The following SLC6A4 variants were observed in gnomAD, a reference collection of about 807,000 sequenced individuals.
SLC6A4 encodes the protein solute carrier family 6 member 4.
A neutral mutation model predicts 73.4 loss-of-function variants in SLC6A4; 22 were observed. That is an observed-to-expected ratio of 0.30 (90% CI 0.21 to 0.43). The LOEUF (loss-of-function observed/expected upper bound fraction) is 0.43. Ranked by LOEUF, SLC6A4 falls within the 20% of genes least tolerant of loss-of-function variation. The probability of loss-of-function intolerance (pLI) is 1.00; values close to 1 mark genes in which losing one functional copy is unlikely to be tolerated. For missense variants in SLC6A4, 593 were observed against 808.5 expected (o/e 0.73, Z 3.23); for synonymous variants, 270 against 315.5 (o/e 0.86, Z 1.53).
At chr17:30,206,378 A>G (rs1035314019) in intron 13 of SLC6A4, 1 of 152,192 alleles carries the variant, frequency 6.6e-6, no homozygotes, top group African/African-American at 2.4e-5. Flanking sequence ...GCAGGCTGTT[A>G]TCCATCTTGG....
intron 3 of SLC6A4, among the ~76,000 whole-genome samples, chr17:30,219,814 T>C (rs545337924): frequency 6.6e-6 from 1 of 152,306 alleles, no homozygotes; most frequent in South Asian, 2.1e-4. Context: ...TTTTCCCTGC[T>C]GTAAAATGCT....
intron 14 of SLC6A4, among the ~76,000 whole-genome samples, chr17:30,201,687 G>C (rs925151184): frequency 1.3e-5 from 2 of 152,220 alleles, no homozygotes; most frequent in African/African-American, 4.8e-5. Flanking sequence ...CTCTTTAGGG[G>C]GAGTGCGGTC....
Position 30,209,164 on chromosome 17 carries a change from C to T in SLC6A4, c.1528G>A (p.Val510Ile). The change falls in exon 12 of 15, where the codon GTC becomes ATC. Residue 510 changes from valine (V) to isoleucine (I), a missense_variant. Transcript: ENST00000650711. ...TTACCATAGAACCAAGACACAGCGA[C>T]TGCTTCGATCAGCGCGACAGTGAGC... ...AVLTVALIEA[V>I]AVSWFYGITQ... 6.2e-7 allele frequency: 1 copy of T among 1,613,624 alleles called. No homozygotes were observed. The highest frequency in any genetic ancestry group is 8.5e-7 in the Non-Finnish European group (1 of 1,179,588).
chr17:30,215,310 T>C (rs1249248135), intron 8 of SLC6A4, among the ~76,000 whole-genome samples: 1 of 152,224 alleles, frequency 6.6e-6, no homozygotes, highest in Non-Finnish European at 1.5e-5. Context: ...CCCAAAGTGC[T>C]GGGATTACAG....
Position 30,235,584 on chromosome 17 carries a change from T to C in SLC6A4, c.-221+29A>G, listed in dbSNP as rs1317058835. 1 of 152,212 alleles carries C rather than the reference T, an allele frequency of 6.6e-6. No individual in the cohort carries two copies. Among genetic ancestry groups the C allele is most frequent in the East Asian group, 1.9e-4 (1 of 5,200 alleles). The allele number at this position is 152,212 out of a possible 1,614,324, so 9.4% of individuals were successfully genotyped here. ...AAGAAGGTCTGGAAAGAAACGTGGG[T>C]TCGAGGCGGAGAGGAAAAGCGGACC... On this transcript the variant is annotated intron_variant, in intron 1 of 14. Transcript: ENST00000650711. The surrounding 1 kb of genome is among the most constrained non-coding windows in gnomAD (Gnocchi z 4.5).
chr17:30,209,396 G>A (rs1186791318), intron 11 of SLC6A4, among the ~76,000 whole-genome samples, 154 bp from the exon 12 acceptor site: 1 of 152,158 alleles, frequency 6.6e-6, no homozygotes, highest in Non-Finnish European at 1.5e-5. Flanking sequence ...CTTAGGCCAG[G>A]TGCGGTGGCT....
intron 8 of SLC6A4, among the ~76,000 whole-genome samples, chr17:30,213,516 T>A: frequency 6.6e-6 from 1 of 152,134 alleles, no homozygotes; most frequent in African/African-American, 2.4e-5. Context: ...TTGGCCAGGC[T>A]GGTCTCAAAC....
rs56298060 is a variant in SLC6A4, at chr17:30,202,571, T to A, written c.1818+601A>T. ...GCTTTGAAAATGGCATTCATACAAA[T>A]TGTAAGGTACTGTTATTAACATTTC... On this transcript the variant is annotated intron_variant, in intron 14 of 14. Coordinates refer to ENST00000650711, the MANE Select transcript of SLC6A4 (RefSeq NM_001045.6). Among the ~76,000 whole-genome samples the A allele has an allele frequency of 2.8e-3, 423 of 152,282 alleles. 3 individuals are homozygous for A. Among genetic ancestry groups the A allele is most frequent in the African/African-American group, 9.7e-3 (402 of 41,556 alleles).
chr17:30,200,596 G>A (rs1567814489), intron 14 of SLC6A4, among the ~76,000 whole-genome samples: 1 of 152,088 alleles, frequency 6.6e-6, no homozygotes, highest in Non-Finnish European at 1.5e-5. Flanking sequence ...TTTTATATGA[G>A]GCTTCCCTCC....
chr17:30,230,095 A>G (rs796875781), intron 1 of SLC6A4, among the ~76,000 whole-genome samples: 2,674 of 118,132 alleles, frequency 0.023, 81 homozygotes, highest in African/African-American at 0.066. Flanking sequence ...AAGAAGAAGA[A>G]GAGGAGGAAG....
At chr17:30,209,879 G>C (rs568351286) in intron 11 of SLC6A4, among the ~76,000 whole-genome samples, 1 of 152,196 alleles carries the variant, frequency 6.6e-6, no homozygotes, top group East Asian at 1.9e-4. Flanking sequence ...GAGAATCCCT[G>C]CCTCTAAAGA....
rs1332783171 is a variant in SLC6A4 at position 30,221,705 on chromosome 17, T to A, written c.254A>T (p.Lys85Met). 1 of 1,614,124 alleles carries A rather than the reference T, an allele frequency of 6.2e-7. No individual in the cohort carries two copies. The highest frequency in any genetic ancestry group is 1.3e-5 in the African/African-American group (1 of 75,016). ...HQGERETWGK[K>M]VDFLLSVIGY... Reference sequence around the variant, plus strand: ...AATCACTGAGAGAAGGAAATCCACCTTCTTGCCCCAGGTCTCCCGTTCCCC... The same window carrying A: ...AATCACTGAGAGAAGGAAATCCACCATCTTGCCCCAGGTCTCCCGTTCCCC... The change falls in exon 3 of 15, where the codon AAG becomes ATG. Residue 85 changes from lysine to methionine, a missense_variant. Lys to Met is a moderately conservative substitution (Grantham distance 95). Transcript: ENST00000650711.
In SLC6A4 at chr17:30,230,116, AGAGGAAGAGGAG is replaced by A. The variant is rs1567824230; in HGVS notation, c.-221+5485_-221+5496del. On this transcript the variant is annotated intron_variant, in intron 1 of 14. Coordinates refer to ENST00000650711, the MANE Select transcript of SLC6A4 (RefSeq NM_001045.6). ...AAGAAGAGGAGGAAGAGGAAGAGGA[AGAGGAAGAGGAG>A]GAGGAGGAGGAGGAGGAGGAGGAAG... is the stretch of plus-strand genomic sequence containing the variant. Among the ~76,000 whole-genome samples, 136 of 134,164 alleles carry A rather than the reference AGAGGAAGAGGAG, an allele frequency of 1.0e-3. 1 individual carries two copies. The highest frequency in any genetic ancestry group is 3.8e-3 in the African/African-American group (125 of 33,174). The allele number at this position is 134,164 out of a possible 152,430, so 88.0% of individuals were successfully genotyped here. A position where few individuals can be genotyped will look rare whatever the true frequency, so the allele number is the denominator to read the frequency against.
At chr17:30,230,320 T>G (rs1436269315) in intron 1 of SLC6A4, among the ~76,000 whole-genome samples, 1 of 152,146 alleles carries the variant, frequency 6.6e-6, no homozygotes, top group Non-Finnish European at 1.5e-5. Context: ...ACAGATGATG[T>G]GTTAGATTAA....
At chr17:30,230,379 T>G (rs536914000) in intron 1 of SLC6A4, among the ~76,000 whole-genome samples, 1 of 152,358 alleles carries the variant, frequency 6.6e-6, no homozygotes, top group African/African-American at 2.4e-5. Flanking sequence ...TTTACTGTTG[T>G]GATAAATACA....
At position 30,213,306 on chromosome 17, in the gene SLC6A4, T is replaced by C. The variant is rs992406514; in HGVS notation, c.1077-439A>G. Among the ~76,000 whole-genome samples, 17 of 148,042 alleles carry C rather than the reference T, an allele frequency of 1.1e-4. No homozygotes were observed. The East Asian group carries it at 1.2e-3, about 10-fold the overall frequency. On this transcript the variant is annotated intron_variant, in intron 8 of 14. Coordinates refer to ENST00000650711, the MANE Select transcript of SLC6A4 (RefSeq NM_001045.6). Reference sequence around the variant, plus strand: ...GAGATACCCTCATTTTTTTTTCTTTTTTTTTTTTTTTTTTGAGACAGAGCC... The same window carrying C: ...GAGATACCCTCATTTTTTTTTCTTTCTTTTTTTTTTTTTTGAGACAGAGCC...
Position 30,211,260 on chromosome 17 carries a change from C to T in SLC6A4, c.1317+52G>A, listed in dbSNP as rs1906376104. The stretch of plus-strand genomic sequence containing the variant: ...GGGAATTGAGTCCAGCTGAGTCCTC[C>T]TCCTTTCCTCTTCATCCTCCCACAG... On this transcript the variant is annotated intron_variant, in intron 10 of 14. Transcript: ENST00000650711. The surrounding 1 kb of genome is among the most constrained non-coding windows in gnomAD (Gnocchi z 4.0). 8.1e-7 allele frequency: 1 copy of T among 1,232,816 alleles called. No individual in the cohort carries two copies. Among genetic ancestry groups the T allele is most frequent in the African/African-American group, 1.5e-5 (1 of 67,568 alleles). The allele number at this position is 1,232,816 out of a possible 1,614,324, so 76.4% of individuals were successfully genotyped here. A position where few individuals can be genotyped will look rare whatever the true frequency, so the allele number is the denominator to read the frequency against.
At chr17:30,201,495 G>A (rs1046010710) in intron 14 of SLC6A4, among the ~76,000 whole-genome samples, 12 of 152,214 alleles carry the variant, frequency 7.9e-5, no homozygotes, top group African/African-American at 1.7e-4. Flanking sequence ...GATCTGAGGT[G>A]TAGCCTGTGA....
At position 30,196,292 on chromosome 17, in the gene SLC6A4, A is replaced by C. The variant is rs1905858445; in HGVS notation, c.*2164T>G. On this transcript the variant is annotated 3_prime_UTR_variant, in exon 15 of 15. Transcript: ENST00000650711. ...ACTCTTAAATTTTCTTTAAAAAAAA[A>C]AAACCCCATCATAGTATTGATAAAT... The C allele has an allele frequency of 6.6e-6, 1 of 151,816 alleles. No homozygotes were observed. Among genetic ancestry groups the C allele is most frequent in the African/African-American group, 2.4e-5 (1 of 41,404 alleles). 9.4% of individuals were successfully genotyped at this position (151,816 alleles called of 1,614,324 possible). A position where few individuals can be genotyped will look rare whatever the true frequency, so the allele number is the denominator to read the frequency against.
Sources: allele counts gnomAD v4.1 joint callset (sites outside exome capture counted in the v4.1 genomes callset), GRCh38; gene constraint gnomAD v4.1.1; non-coding constraint Gnocchi (gnomAD v3.1); transcripts MANE v1.5; gene names NCBI Gene and HGNC (gene_info 2026-07-23, HGNC 2026-07-21).